The following FHIT variants were observed in gnomAD, a reference collection of about 807,000 sequenced individuals.
The protein encoded by FHIT is fragile histidine triad diadenosine triphosphatase.
A neutral mutation model predicts 17.9 loss-of-function variants in FHIT; 19 were observed. The ratio of observed to expected loss-of-function variants is 1.06; its 90% CI spans 0.74 to 1.56. The LOEUF is 1.56. Among genes scored for constraint, FHIT ranks in the 40% most tolerant of loss-of-function variants. The probability of loss-of-function intolerance (pLI) is 0.00; values close to 1 mark genes in which losing one functional copy is unlikely to be tolerated. For synonymous variants in FHIT, 81 were observed against 69.7 expected, an observed-to-expected ratio of 1.16 and a Z score of -0.81; for missense variants, 248 against 189.2, an observed-to-expected ratio of 1.31 and a Z score of -1.82.
At chr3:60,683,221 A>G (rs1424352137) in intron 4 of FHIT, among the ~76,000 whole-genome samples, 1 of 152,230 alleles carries the variant, frequency 6.6e-6, no homozygotes, top group Non-Finnish European at 1.5e-5. Context: ...TAGTTGATAA[A>G]GAAGGGTTGG....
chr3:60,070,436 C>T (rs1010942195), intron 5 of FHIT, among the ~76,000 whole-genome samples: 16 of 152,176 alleles, frequency 1.1e-4, no homozygotes, highest in African/African-American at 3.9e-4. Flanking sequence ...TGGTGAATGA[C>T]AAAATGAACC....
chr3:60,308,573 T>TC (rs199527303), intron 5 of FHIT, among the ~76,000 whole-genome samples: 9,113 of 148,948 alleles, frequency 0.061, 295 homozygotes, highest in South Asian at 0.12. Context: ...TTACATTGGG[T>TC]CCCCCCCCAA....
At chr3:60,582,008 C>G (rs1212159245) in intron 4 of FHIT, among the ~76,000 whole-genome samples, 1 of 151,896 alleles carries the variant, frequency 6.6e-6, no homozygotes, top group Non-Finnish European at 1.5e-5. Flanking sequence ...AGGATTTTTG[C>G]TTTACTTTGT....
At chr3:60,121,709 A>AACACACAC (rs57250663) in intron 5 of FHIT, among the ~76,000 whole-genome samples, 97 of 116,416 alleles carry the variant, frequency 8.3e-4, no homozygotes, top group Non-Finnish European at 1.5e-3. Context: ...AAACAAAACA[A>AACACACAC]ACACACACAC....
At chr3:60,690,572 C>A (rs1368424250) in intron 4 of FHIT, 3 of 544,848 alleles carry the variant, frequency 5.5e-6, no homozygotes, top group Middle Eastern at 3.1e-4. Flanking sequence ...AAGCAGTAAC[C>A]CTCATAATCA....
intron 5 of FHIT, among the ~76,000 whole-genome samples, chr3:60,031,156 C>G (rs1282524593): frequency 6.6e-6 from 1 of 152,128 alleles, no homozygotes; most frequent in Admixed American, 6.5e-5. Context: ...GTTGTTTCTA[C>G]AAAACACGTT....
At chr3:60,961,548 T>A (rs1303562919) in intron 3 of FHIT, among the ~76,000 whole-genome samples, 1 of 152,088 alleles carries the variant, frequency 6.6e-6, no homozygotes, top group Admixed American at 6.6e-5. Context: ...TCTTCTAGGG[T>A]TTTATGGTTT....
At chr3:60,104,521 T>A (rs1437702706) in intron 5 of FHIT, among the ~76,000 whole-genome samples, 1 of 148,850 alleles carries the variant, frequency 6.7e-6, no homozygotes, top group Non-Finnish European at 1.5e-5. Context: ...GCTTATAGAA[T>A]AGAAAGAGAA....
intron 5 of FHIT, among the ~76,000 whole-genome samples, chr3:60,512,699 A>C (rs2034996466): frequency 6.6e-6 from 1 of 152,232 alleles, no homozygotes; most frequent in African/African-American, 2.4e-5. Context: ...GCAAGGGGAC[A>C]ACATAACCTA....
At chr3:60,140,079 C>G (rs1438385156) in intron 5 of FHIT, among the ~76,000 whole-genome samples, 1 of 151,810 alleles carries the variant, frequency 6.6e-6, no homozygotes, top group African/African-American at 2.4e-5. Context: ...AGAGATCGTA[C>G]CACTGCACAA....
chr3:59,766,911 A>C (rs1218740478), intron 8 of FHIT, among the ~76,000 whole-genome samples: 1 of 152,140 alleles, frequency 6.6e-6, no homozygotes, highest in African/African-American at 2.4e-5. Context: ...CATTAGAGTA[A>C]AGCCTAGTAG....
At chr3:60,852,896 A>T (rs1297553652) in intron 3 of FHIT, among the ~76,000 whole-genome samples, 1 of 152,124 alleles carries the variant, frequency 6.6e-6, no homozygotes, top group Non-Finnish European at 1.5e-5. Context: ...AAAAATATTA[A>T]ACAAATTTCA....
intron 5 of FHIT, among the ~76,000 whole-genome samples, chr3:60,129,720 G>A (rs979786307): frequency 6.6e-6 from 1 of 151,872 alleles, no homozygotes; most frequent in East Asian, 1.9e-4. Flanking sequence ...CATCTGTTTT[G>A]TTATCAAGTT....
intron 2 of FHIT, among the ~76,000 whole-genome samples, chr3:61,160,406 T>C (rs1489961084): frequency 1.3e-5 from 2 of 152,212 alleles, no homozygotes; most frequent in Non-Finnish European, 2.9e-5. Flanking sequence ...ACGTTGGAAA[T>C]TTTCACTTAG....
intron 4 of FHIT, among the ~76,000 whole-genome samples, chr3:60,645,105 T>G (rs1340312595): frequency 2.0e-5 from 3 of 152,162 alleles, no homozygotes; most frequent in Non-Finnish European, 4.4e-5. Flanking sequence ...TCTAGGCATC[T>G]GCCTTGGACT....
At chr3:60,523,300 A>G (rs1370199568) in intron 5 of FHIT, among the ~76,000 whole-genome samples, 1 of 152,110 alleles carries the variant, frequency 6.6e-6, no homozygotes, top group Non-Finnish European at 1.5e-5. Flanking sequence ...CTTTCCTTTT[A>G]CTACTTCTTG....
chr3:59,779,598 A>G (rs1275401058), intron 8 of FHIT, among the ~76,000 whole-genome samples: 1 of 152,108 alleles, frequency 6.6e-6, no homozygotes, highest in South Asian at 2.1e-4. Flanking sequence ...GTTTCTTCTT[A>G]TAAGCTAAGT....
intron 2 of FHIT, among the ~76,000 whole-genome samples, chr3:61,176,073 T>C (rs1122667): frequency 0.019 from 2,919 of 152,296 alleles, 91 homozygotes; most frequent in African/African-American, 0.066. Flanking sequence ...AATAAGTAAA[T>C]AGATAACTGA....
intron 2 of FHIT, among the ~76,000 whole-genome samples, chr3:61,157,553 T>G (rs1174597338): frequency 6.6e-6 from 1 of 152,148 alleles, no homozygotes; most frequent in East Asian, 1.9e-4. Flanking sequence ...TGGCTTCCTC[T>G]AGGGTTTGGG....
Sources: allele counts gnomAD v4.1 joint callset (sites outside exome capture counted in the v4.1 genomes callset), GRCh38; gene constraint gnomAD v4.1.1; transcripts MANE v1.5; gene names NCBI Gene and HGNC (gene_info 2026-07-23, HGNC 2026-07-21).